The following MRPL48 variants were observed in gnomAD, a reference collection of about 807,000 sequenced individuals.
MRPL48 encodes the protein mitochondrial ribosomal protein L48.
In MRPL48, 16 loss-of-function variants were observed where a neutral mutation model predicts 32.9. The ratio of observed to expected loss-of-function variants is 0.49; its 90% CI spans 0.33 to 0.74. The LOEUF is 0.74. MRPL48 is among the 30% of genes least tolerant of loss of function. MRPL48 has a pLI of 0.02. For missense variants in MRPL48, 206 were observed against 245.3 expected, an observed-to-expected ratio of 0.84 and a Z score of 1.07; for synonymous variants, 94 against 89.2, an observed-to-expected ratio of 1.05 and a Z score of -0.31.
intron 5 of MRPL48, among the ~76,000 whole-genome samples, chr11:73,859,232 A>G (rs2511268): frequency 6.6e-6 from 1 of 152,144 alleles, no homozygotes; most frequent in South Asian, 2.1e-4. Context: ...GTTAGCCTCC[A>G]AAGCATACCT....
intron 3 of MRPL48, among the ~76,000 whole-genome samples, chr11:73,820,228 G>C (rs541226027): frequency 5.9e-5 from 9 of 152,232 alleles, no homozygotes; most frequent in African/African-American, 2.2e-4. Context: ...ACTCACGCTG[G>C]TCTCTTTCTT....
chr11:73,787,928 C>T lies in MRPL48; in HGVS notation c.-44C>T, dbSNP rs764101455. ...CGCCCTGGGAACGCGGCTGCAGGGT[C>T]CGGTCTTCGGTTTGCACAGCTAGAG... is the stretch of plus-strand genomic sequence containing the variant. On this transcript the variant is annotated 5_prime_UTR_variant, in exon 1 of 8. Transcript: ENST00000310614. 4.4e-6 allele frequency: 7 copies of T among 1,605,724 alleles called. No individual in the cohort carries two copies. In the African/African-American group the frequency reaches 9.4e-5, roughly 22 times the overall value.
At chr11:73,846,806 G>T (rs1948300470) in intron 5 of MRPL48, among the ~76,000 whole-genome samples, 1 of 151,568 alleles carries the variant, frequency 6.6e-6, no homozygotes, top group South Asian at 2.1e-4. Flanking sequence ...AGGCTCAAGC[G>T]ATCCTCCTCT....
intron 2 of MRPL48, among the ~76,000 whole-genome samples, chr11:73,805,894 A>G (rs1947442944): frequency 6.6e-6 from 1 of 152,052 alleles, no homozygotes; most frequent in African/African-American, 2.4e-5. Context: ...CCTGGGCTCA[A>G]GTGATCTGCC....
intron 5 of MRPL48, among the ~76,000 whole-genome samples, chr11:73,847,075 C>T (rs1449722608): frequency 6.6e-6 from 1 of 151,758 alleles, no homozygotes; most frequent in Admixed American, 6.6e-5. Flanking sequence ...ATCTCGCCTC[C>T]AATTTCTGGA....
intron 1 of MRPL48, among the ~76,000 whole-genome samples, chr11:73,795,964 C>T (rs1947247456): frequency 6.6e-6 from 1 of 152,222 alleles, no homozygotes; most frequent in Non-Finnish European, 1.5e-5. Context: ...CAGCCCTTAG[C>T]ACCCACTAAT....
intron 4 of MRPL48, among the ~76,000 whole-genome samples, chr11:73,840,523 G>A (rs543805495): frequency 3.3e-5 from 5 of 152,028 alleles, no homozygotes; most frequent in South Asian, 4.1e-4. Context: ...TTTTATAGAC[G>A]GAGTCTCGCT....
At chr11:73,858,043 T>C (rs1009075799) in intron 5 of MRPL48, among the ~76,000 whole-genome samples, 4 of 152,252 alleles carry the variant, frequency 2.6e-5, no homozygotes, top group Non-Finnish European at 5.9e-5. Flanking sequence ...ATTCCCACTT[T>C]AGTCAGTCCT....
chr11:73,790,806 T>G (rs1344808547), intron 1 of MRPL48, among the ~76,000 whole-genome samples: 3 of 151,586 alleles, frequency 2.0e-5, no homozygotes, highest in Non-Finnish European at 2.9e-5. Flanking sequence ...GGATTGCAGA[T>G]ATGAGCCACC....
intron 4 of MRPL48, chr11:73,842,986 A>G (rs1948219102): frequency 6.6e-6 from 1 of 151,032 alleles, no homozygotes; most frequent in Non-Finnish European, 1.5e-5. Flanking sequence ...TAATTAAGAA[A>G]ATTTTTTTTG....
chr11:73,809,032 C>T (rs978296662), intron 3 of MRPL48, among the ~76,000 whole-genome samples: 2 of 151,912 alleles, frequency 1.3e-5, no homozygotes, highest in Non-Finnish European at 2.9e-5. Flanking sequence ...GTGATCCTAC[C>T]TACCCCAGAG....
chr11:73,803,574 G>A (rs143198865), intron 1 of MRPL48, among the ~76,000 whole-genome samples: 197 of 151,596 alleles, frequency 1.3e-3, no homozygotes, highest in African/African-American at 4.6e-3. Flanking sequence ...TTATTTAATC[G>A]TCGTCTTTTC....
Position 73,825,712 on chromosome 11 carries a change from A to T in MRPL48, c.117A>T (p.Gly39=). The change falls in exon 4 of 8, where the codon GGA becomes GGT. Residue 39 remains glycine, a synonymous_variant. Coordinates refer to ENST00000310614, the MANE Select transcript of MRPL48 (RefSeq NM_016055.6). ...GTCTTATTTTCTCTCTTTTAGGTGG[A>T]ATTCTACTAAGTATCAGTCGGCCCT... is the stretch of plus-strand genomic sequence containing the variant. ...SGEKPIYSVG[G]ILLSISRPYK... is the part of the protein sequence containing the mutation. 1 of 1,559,070 alleles carries T rather than the reference A, an allele frequency of 6.4e-7. No individual in the cohort carries two copies. Among genetic ancestry groups the T allele is most frequent in the Non-Finnish European group, 8.7e-7 (1 of 1,151,216 alleles).
At chr11:73,833,582 A>C (rs1173951438) in intron 4 of MRPL48, among the ~76,000 whole-genome samples, 1 of 152,220 alleles carries the variant, frequency 6.6e-6, no homozygotes, top group Non-Finnish European at 1.5e-5. Context: ...AAATGAATGG[A>C]TAGAATTTTC....
At chr11:73,826,903 A>G (rs1947906040) in intron 4 of MRPL48, among the ~76,000 whole-genome samples, 1 of 149,904 alleles carries the variant, frequency 6.7e-6, no homozygotes, top group Non-Finnish European at 1.5e-5. Context: ...CAGCCTCCCG[A>G]GTAGCTGGGA....
chr11:73,815,713 C>A (rs1047451589), intron 3 of MRPL48, among the ~76,000 whole-genome samples: 1 of 151,738 alleles, frequency 6.6e-6, no homozygotes, highest in African/African-American at 2.4e-5. Context: ...AAAATAGAGA[C>A]TAGGCCTTCT....
At chr11:73,846,031 G>A (rs2135056713) in intron 5 of MRPL48, among the ~76,000 whole-genome samples, 1 of 132,562 alleles carries the variant, frequency 7.5e-6, no homozygotes, top group East Asian at 2.3e-4. Context: ...CTGTGCCACT[G>A]CACTCCAGCG....
chr11:73,805,367 G>C (rs1213893570), intron 2 of MRPL48, among the ~76,000 whole-genome samples: 1 of 150,804 alleles, frequency 6.6e-6, no homozygotes, highest in Non-Finnish European at 1.5e-5. Flanking sequence ...CGTGATCTTG[G>C]CTCACTGCAA....
chr11:73,839,900 C>T (rs1948160188), intron 4 of MRPL48, among the ~76,000 whole-genome samples: 1 of 152,064 alleles, frequency 6.6e-6, no homozygotes, highest in South Asian at 2.1e-4. Context: ...GAGTTTGAGA[C>T]CTGCCTGGGC....
Sources: allele counts gnomAD v4.1 joint callset (sites outside exome capture counted in the v4.1 genomes callset), GRCh38; gene constraint gnomAD v4.1.1; transcripts MANE v1.5; gene names NCBI Gene and HGNC (gene_info 2026-07-23, HGNC 2026-07-21).